ERBB4: variants seen among roughly 807,000 people sequenced by gnomAD.
ERBB4 encodes erb-b2 receptor tyrosine kinase 4, also known as receptor tyrosine-protein kinase erbB-4.
In ERBB4, 42 loss-of-function variants were observed where a neutral mutation model predicts 158.0. The ratio of observed to expected loss-of-function variants is 0.27; its 90% CI spans 0.21 to 0.34. The LOEUF is 0.34. ERBB4 is among the 10% of genes least tolerant of loss of function. The pLI is 1.00. For synonymous variants in ERBB4, 583 were observed against 558.7 expected (o/e 1.04, Z -0.61); for missense variants, 1,333 against 1,624.1 (o/e 0.82, Z 3.08).
chr2:211,634,474 T>A (rs536017803), intron 16 of ERBB4, among the ~76,000 whole-genome samples: 6 of 152,306 alleles, frequency 3.9e-5, no homozygotes, highest in Non-Finnish European at 8.8e-5. Flanking sequence ...GATTCCTAGA[T>A]GTTTGTAAGT....
chr2:211,638,463 G>C lies in ERBB4; in HGVS notation c.1947-7869C>G, dbSNP rs78853421. Among the ~76,000 whole-genome samples, 262 of 152,188 alleles carry C rather than the reference G, an allele frequency of 1.7e-3. 3 individuals are homozygous for C. Among genetic ancestry groups the C allele is most frequent in the East Asian group, 7.4e-3 (38 of 5,170 alleles). On this transcript the variant is annotated intron_variant, in intron 16 of 27. Transcript: ENST00000342788. ...TAAACATGACACATCTTTTCTTTTT[G>C]AGCAAATGAAAGTGATCTTACAGTT... is the stretch of plus-strand genomic sequence containing the variant.
At chr2:212,071,732 C>T (rs368385148) in intron 2 of ERBB4, among the ~76,000 whole-genome samples, 68 of 152,022 alleles carry the variant, frequency 4.5e-4, no homozygotes, top group African/African-American at 1.1e-3. Flanking sequence ...AAAGCTATTA[C>T]GATGAAACAT....
chr2:211,919,772 C>G (rs1006907218), intron 3 of ERBB4, among the ~76,000 whole-genome samples: 3 of 151,846 alleles, frequency 2.0e-5, no homozygotes, highest in Admixed American at 2.0e-4. Flanking sequence ...TAAACAGACC[C>G]CAGAAAGTAG....
At chr2:211,956,029 AGTGTGTGTGTGTGTGT>A (rs3070122) in intron 2 of ERBB4, among the ~76,000 whole-genome samples, 1 of 146,330 alleles carries the variant, frequency 6.8e-6, no homozygotes, top group African/African-American at 2.5e-5. Context: ...TCATCTCTAA[AGTGTGTGTGTGTGTGT>A]GTGTGTGTGT....
intron 1 of ERBB4, among the ~76,000 whole-genome samples, chr2:212,350,491 TA>T (rs1322907028): frequency 6.6e-6 from 1 of 152,096 alleles, no homozygotes; most frequent in Non-Finnish European, 1.5e-5. Context: ...AAGTTCTGCG[TA>T]AAAAATATTT....
chr2:211,743,076 T>C (rs920198682), intron 5 of ERBB4, among the ~76,000 whole-genome samples: 2 of 152,146 alleles, frequency 1.3e-5, no homozygotes, highest in Admixed American at 1.3e-4. Flanking sequence ...TTCACTCCAG[T>C]GGTTAAAGTA....
chr2:211,867,342 T>G (rs990352371), intron 3 of ERBB4, among the ~76,000 whole-genome samples: 3 of 152,120 alleles, frequency 2.0e-5, no homozygotes, highest in African/African-American at 7.2e-5. Context: ...TTATAATCAT[T>G]TGCAAGAATT....
At position 211,687,334 on chromosome 2, in the gene ERBB4, C is replaced by T. The variant is rs1012791851; in HGVS notation, c.1490-8150G>A. Reference sequence around the variant, plus strand: ...AAAAAAAAAAAAAGACAAGAAAAAACGAAAAAAGAACCCTCCCACAATATT... The same window carrying T: ...AAAAAAAAAAAAAGACAAGAAAAAATGAAAAAAGAACCCTCCCACAATATT... On this transcript the variant is annotated intron_variant, in intron 12 of 27. Coordinates refer to ENST00000342788, the MANE Select transcript of ERBB4 (RefSeq NM_005235.3). Among the ~76,000 whole-genome samples, 5 of 149,322 alleles carry T rather than the reference C, an allele frequency of 3.3e-5. No individual in the cohort carries two copies. In the South Asian group the frequency reaches 1.1e-3, roughly 32 times the overall value.
chr2:212,448,660 A>C (rs972259757), intron 1 of ERBB4, among the ~76,000 whole-genome samples: 1 of 152,134 alleles, frequency 6.6e-6, no homozygotes, highest in Admixed American at 6.5e-5. Context: ...TCTATACTGC[A>C]TCCTAGGAGA....
intron 1 of ERBB4, among the ~76,000 whole-genome samples, chr2:212,405,873 T>C (rs1024025976): frequency 1.3e-5 from 2 of 152,070 alleles, no homozygotes; most frequent in African/African-American, 4.8e-5. Flanking sequence ...ACAACACTGA[T>C]GTAAATCAAC....
chr2:211,981,667 T>C lies in ERBB4; in HGVS notation c.235-34051A>G, dbSNP rs1458525443. ...TGTGCTTTTGAAACCCTCACATCACTTCTAGCAATTTTTCCCTGTGGACAC... is the reference window on the plus strand; with the variant it reads ...TGTGCTTTTGAAACCCTCACATCACCTCTAGCAATTTTTCCCTGTGGACAC... On this transcript the variant is annotated intron_variant, in intron 2 of 27. Coordinates refer to ENST00000342788, the MANE Select transcript of ERBB4 (RefSeq NM_005235.3). Among the ~76,000 whole-genome samples, 13 of 152,204 alleles carry C rather than the reference T, an allele frequency of 8.5e-5. 1 individual carries two copies. The highest frequency in any genetic ancestry group is 8.5e-4 in the Admixed American group (13 of 15,280).
intron 19 of ERBB4, among the ~76,000 whole-genome samples, chr2:211,577,921 C>G (rs1371630997): frequency 2.6e-5 from 4 of 152,138 alleles, no homozygotes; most frequent in Non-Finnish European, 5.9e-5. Flanking sequence ...TGCCCTCTCT[C>G]ATCATTCCTA....
intron 2 of ERBB4, among the ~76,000 whole-genome samples, chr2:211,960,319 T>C (rs997908407): frequency 6.6e-6 from 1 of 152,084 alleles, no homozygotes; most frequent in African/African-American, 2.4e-5. Flanking sequence ...ATGAGGTAAC[T>C]TAAATTTCAA....
At chr2:212,167,310 T>C (rs2081376518) in intron 1 of ERBB4, among the ~76,000 whole-genome samples, 1 of 152,116 alleles carries the variant, frequency 6.6e-6, no homozygotes, top group Non-Finnish European at 1.5e-5. Flanking sequence ...AAAGAAGATA[T>C]TTACGTGGCC....
intron 1 of ERBB4, among the ~76,000 whole-genome samples, chr2:212,406,259 C>T (rs755571711): frequency 6.6e-6 from 1 of 152,100 alleles, no homozygotes; most frequent in Non-Finnish European, 1.5e-5. Context: ...ATGTGTGCCT[C>T]CAAATACCTG....
intron 1 of ERBB4, among the ~76,000 whole-genome samples, chr2:212,147,669 G>A (rs1348246739): frequency 6.6e-6 from 1 of 152,140 alleles, no homozygotes; most frequent in Non-Finnish European, 1.5e-5. Flanking sequence ...GAGGATGTAT[G>A]TATTGAAAAT....
intron 1 of ERBB4, among the ~76,000 whole-genome samples, chr2:212,531,696 G>C (rs1692765731): frequency 6.6e-6 from 1 of 151,890 alleles, no homozygotes; most frequent in Non-Finnish European, 1.5e-5. Context: ...ATTTTCTGCT[G>C]ACTGGACATC....
chr2:211,466,058 A>G (rs936191459), intron 20 of ERBB4, among the ~76,000 whole-genome samples: 2 of 152,162 alleles, frequency 1.3e-5, no homozygotes, highest in South Asian at 4.1e-4. Context: ...AAAGGGTAGG[A>G]AGCAAAGTAG....
chr2:211,576,724 A>G (rs1444517656), intron 19 of ERBB4, among the ~76,000 whole-genome samples: 1 of 152,154 alleles, frequency 6.6e-6, no homozygotes, highest in Non-Finnish European at 1.5e-5. Flanking sequence ...TATAAAAATT[A>G]TAAACATTAG....
Sources: allele counts gnomAD v4.1 joint callset (sites outside exome capture counted in the v4.1 genomes callset), GRCh38; gene constraint gnomAD v4.1.1; transcripts MANE v1.5; gene names NCBI Gene and HGNC (gene_info 2026-07-23, HGNC 2026-07-21).